PCDHA4: variants seen among roughly 807,000 people sequenced by gnomAD.
The protein encoded by PCDHA4 is protocadherin alpha 4, also known as protocadherin alpha-4.
Under a neutral mutation model 61.4 loss-of-function variants are expected in PCDHA4, and 49 were observed. That is an observed-to-expected ratio of 0.80 (90% CI 0.63 to 1.01). The LOEUF (loss-of-function observed/expected upper bound fraction) is 1.01, where lower values mean the gene tolerates loss of function less well. Among genes scored for constraint, PCDHA4 ranks in the 50% least tolerant of loss-of-function variants. The pLI, the probability that PCDHA4 is intolerant of heterozygous loss-of-function variation, is 0.00. For synonymous variants in PCDHA4, 590 were observed against 550.3 expected (o/e 1.07, Z -1.01); for missense variants, 1,254 against 1,235.8 (o/e 1.01, Z -0.22).
intron 1 of PCDHA4, chr5:140,876,828 G>T: frequency 1.2e-6 from 2 of 1,614,170 alleles, no homozygotes; most frequent in Non-Finnish European, 1.7e-6. Context: ...ACGACAATGC[G>T]CCTGCGTTCG....
chr5:140,841,755 C>G, intron 1 of PCDHA4: 1 of 1,613,886 alleles, frequency 6.2e-7, no homozygotes, highest in African/African-American at 1.3e-5. Context: ...GTTTCAGAAT[C>G]CAGAATGCCA....
intron 1 of PCDHA4, chr5:140,884,069 T>A (rs2059977023): frequency 6.2e-7 from 1 of 1,613,394 alleles, no homozygotes; most frequent in Non-Finnish European, 8.5e-7. Flanking sequence ...GGACGCCGAT[T>A]CGGGCTACAA....
At chr5:140,978,615 T>C in intron 1 of PCDHA4, among the ~76,000 whole-genome samples, 1 of 152,238 alleles carries the variant, frequency 6.6e-6, no homozygotes, top group East Asian at 1.9e-4. Context: ...GCAAAAGCAG[T>C]GAAAGCTTTT....
At chr5:140,853,997 T>C in intron 1 of PCDHA4, 1 of 465,218 alleles carries the variant, frequency 2.1e-6, no homozygotes, top group Non-Finnish European at 2.9e-6. Flanking sequence ...GACTCATCTC[T>C]GCCAAAAAAA....
chr5:140,902,599 G>T (rs981296505), intron 1 of PCDHA4, among the ~76,000 whole-genome samples: 3 of 152,024 alleles, frequency 2.0e-5, no homozygotes, highest in African/African-American at 7.2e-5. Flanking sequence ...GAAACAGGTC[G>T]TTTTCAGTTA....
rs138621035 is a variant in PCDHA4 at position 140,848,721 on chromosome 5, G to A, written c.2385+39149G>A. ...TTCCAAAGGCCGCGGGGACCTTCTG[G>A]AGGTAAATCTGCAGAATGGCATTTT... On this transcript the variant is annotated intron_variant, in intron 1 of 3. Coordinates refer to ENST00000530339, the MANE Select transcript of PCDHA4 (RefSeq NM_018907.4). The A allele has an allele frequency of 1.9e-6, 3 of 1,592,458 alleles. No individual in the cohort carries two copies. Among genetic ancestry groups the A allele is most frequent in the African/African-American group, 2.7e-5 (2 of 74,256 alleles).
intron 1 of PCDHA4, among the ~76,000 whole-genome samples, chr5:140,838,633 T>C (rs1417814088): frequency 6.6e-6 from 1 of 151,988 alleles, no homozygotes; most frequent in Non-Finnish European, 1.5e-5. Flanking sequence ...AATAATTTGG[T>C]TGGTCAAAAA....
chr5:140,929,101 A>G (rs1554206680), intron 1 of PCDHA4: 3 of 1,614,242 alleles, frequency 1.9e-6, no homozygotes, highest in Admixed American at 1.7e-5. Flanking sequence ...AAATCCTTGC[A>G]TGACATCAGC....
intron 1 of PCDHA4, among the ~76,000 whole-genome samples, chr5:140,965,905 G>A (rs76116187): frequency 0.016 from 2,504 of 152,338 alleles, 69 homozygotes; most frequent in African/African-American, 0.056. Context: ...TGGATCCCAG[G>A]ATGCTGGTTT....
At chr5:140,994,562 G>A (rs1554254244) in intron 3 of PCDHA4, among the ~76,000 whole-genome samples, 2 of 152,094 alleles carry the variant, frequency 1.3e-5, no homozygotes, top group Non-Finnish European at 2.9e-5. Context: ...AAAATTAGCC[G>A]GGTGTGGTGG....
intron 1 of PCDHA4, chr5:140,843,756 G>A: frequency 2.7e-6 from 4 of 1,503,408 alleles, no homozygotes; most frequent in Non-Finnish European, 3.7e-6. Flanking sequence ...TTCTATTTGT[G>A]GAAATTGTAG....
rs2150475793 is a variant in PCDHA4, at chr5:140,850,253, C to T, written c.2385+40681C>T. The T allele has an allele frequency of 4.7e-5, 75 of 1,593,644 alleles. 4 individuals carry two copies. The highest frequency in any genetic ancestry group is 6.3e-5 in the Non-Finnish European group (73 of 1,167,036). On this transcript the variant is annotated intron_variant, in intron 1 of 3. Coordinates refer to ENST00000530339, the MANE Select transcript of PCDHA4 (RefSeq NM_018907.4). ...GCGAGATGGTGCTGCGGTCGGTGGG[C>T]GCCGGCGTAGTGGTGGGGAAGGTGC...
chr5:140,948,189 G>A (rs1032631604), intron 1 of PCDHA4, among the ~76,000 whole-genome samples: 4 of 151,532 alleles, frequency 2.6e-5, no homozygotes, highest in African/African-American at 9.7e-5. Context: ...ATCCCACTTA[G>A]TCATGATATA....
chr5:140,829,050 T>G (rs1554131730), intron 1 of PCDHA4: 2 of 1,613,108 alleles, frequency 1.2e-6, no homozygotes. Flanking sequence ...AAAATCCTCA[T>G]TGACGCCACG....
At chr5:140,829,703 C>T (rs1770501919) in intron 1 of PCDHA4, 1 of 1,613,284 alleles carries the variant, frequency 6.2e-7, no homozygotes, top group Non-Finnish European at 8.5e-7. Flanking sequence ...GGTGAGCGCG[C>T]GCGACGCGGG....
At chr5:140,834,488 C>T (rs2150219556) in intron 1 of PCDHA4, 20 of 1,614,036 alleles carry the variant, frequency 1.2e-5, no homozygotes, top group East Asian at 6.7e-5. Context: ...ACTACTCGGT[C>T]CCCGAGGAGG....
chr5:140,994,317 T>A (rs1053879490), intron 3 of PCDHA4, among the ~76,000 whole-genome samples: 7 of 152,086 alleles, frequency 4.6e-5, no homozygotes, highest in African/African-American at 1.7e-4. Flanking sequence ...GCCCAAACAC[T>A]CTCAGCAACC....
chr5:140,946,828 G>A (rs246052), intron 1 of PCDHA4, among the ~76,000 whole-genome samples: 84,737 of 150,610 alleles, frequency 0.56, 24,429 homozygotes, highest in African/African-American at 0.69. Context: ...CCAGAGATGG[G>A]TAGGGCAGTA....
In PCDHA4 at chr5:140,821,405, G is replaced by C. The variant is rs1217305998; in HGVS notation, c.2385+11833G>C. The C allele has an allele frequency of 2.3e-5, 4 of 172,660 alleles. 1 individual carries two copies. The highest frequency in any genetic ancestry group is 5.0e-5 in the Non-Finnish European group (4 of 80,692). 10.7% of individuals were successfully genotyped at this position (172,660 alleles called of 1,614,324 possible). A position where few individuals can be genotyped will look rare whatever the true frequency, so the allele number is the denominator to read the frequency against. On this transcript the variant is annotated intron_variant, in intron 1 of 3. Transcript: ENST00000530339. ...ACGCACTTATATTGACGCATTTTAA[G>C]ATAGAGTTTAATGATATATTTTGAC...
Sources: gnomAD v4.1 joint callset for allele counts (sites outside exome capture counted in the v4.1 genomes callset) on GRCh38, gnomAD v4.1.1 for gene constraint, MANE v1.5 for transcripts, NCBI Gene and HGNC (gene_info 2026-07-23, HGNC 2026-07-21) for gene names.